The following YEATS2 variants were observed in gnomAD, a reference collection of about 807,000 sequenced individuals.
YEATS2 encodes YEATS domain-containing protein 2.
In YEATS2, 77 loss-of-function variants were observed where a neutral mutation model predicts 163.2. That is an observed-to-expected ratio of 0.47 (90% CI 0.39 to 0.57). The LOEUF is 0.57. Among genes scored for constraint, YEATS2 ranks in the 20% least tolerant of loss-of-function variants. The pLI is 0.00. For missense variants in YEATS2, 1,549 were observed against 1,729.8 expected (o/e 0.90, Z 1.85); for synonymous variants, 631 against 645.1 (o/e 0.98, Z 0.33).
At chr3:183,727,133 TAGTA>T (rs1301116967) in intron 6 of YEATS2, among the ~76,000 whole-genome samples, 1 of 152,030 alleles carries the variant, frequency 6.6e-6, no homozygotes, top group Non-Finnish European at 1.5e-5. Context: ...AGTATATATT[TAGTA>T]AGTATTTGAT....
intron 22 of YEATS2, 39 bp from the exon 23 acceptor site, chr3:183,798,852 T>C (rs758678650): frequency 4.0e-6 from 6 of 1,491,474 alleles, no homozygotes; most frequent in Non-Finnish European, 5.6e-6. Context: ...AAAATAATTT[T>C]TGTATTTGTT....
chr3:183,793,856 G>A (rs1003946830), intron 21 of YEATS2, among the ~76,000 whole-genome samples: 8 of 152,046 alleles, frequency 5.3e-5, no homozygotes, highest in South Asian at 2.1e-4. Context: ...CAGGTGATCC[G>A]CCCGCCTCGG....
In YEATS2 at chr3:183,786,136, A is replaced by T. The variant is rs772033774; in HGVS notation, c.2748A>T (p.Gly916=). ...KTTLFTQAAH[G]GQASLMKISD... ...TCTTGTTTCTGCAGGCAGCCCATGG[A>T]GGACAGGCATCTCTAATGAAAATAT... The change falls in exon 20 of 31, where the codon GGA becomes GGT. Residue 916 remains glycine, a synonymous_variant. Coordinates refer to ENST00000305135, the MANE Select transcript of YEATS2 (RefSeq NM_018023.5). 14 of 1,612,606 alleles carry T rather than the reference A, an allele frequency of 8.7e-6. 1 individual carries two copies. In the South Asian group the frequency reaches 1.5e-4, roughly 18 times the overall value.
At chr3:183,728,038 A>G (rs1194701696) in intron 6 of YEATS2, among the ~76,000 whole-genome samples, 1 of 151,698 alleles carries the variant, frequency 6.6e-6, no homozygotes, top group Non-Finnish European at 1.5e-5. Flanking sequence ...TGTTTTATTT[A>G]TTTTATTATT....
intron 11 of YEATS2, 150 bp downstream of exon 11, chr3:183,754,515 C>A: frequency 1.8e-6 from 2 of 1,132,184 alleles, no homozygotes; most frequent in Non-Finnish European, 2.4e-6. Context: ...TGTTGATTGG[C>A]AAAGCTGTCA....
At chr3:183,766,806 T>TA (rs1721950660) in intron 15 of YEATS2, among the ~76,000 whole-genome samples, 1 of 152,152 alleles carries the variant, frequency 6.6e-6, no homozygotes, top group Non-Finnish European at 1.5e-5. Context: ...CTACAGGTGA[T>TA]ACCACCACAC....
At chr3:183,806,743 C>CTG in intron 27 of YEATS2, 123 bp from the exon 28 acceptor site, 1 of 928,252 alleles carries the variant, frequency 1.1e-6, no homozygotes, top group Non-Finnish European at 1.6e-6. Context: ...AATGTTAGAA[C>CTG]TGGAAAGAAG....
rs185247672 is a variant in YEATS2, at chr3:183,797,097, T to C, written c.3098-826T>C. Among the ~76,000 whole-genome samples the C allele has an allele frequency of 1.8e-3, 277 of 150,684 alleles. 2 individuals carry two copies. The highest frequency in any genetic ancestry group is 6.1e-3 in the African/African-American group (248 of 40,968). On this transcript the variant is annotated intron_variant, in intron 21 of 30. Transcript: ENST00000305135. ...CAGCCTGGCCAACATGGCGAAACACTGTCTCTACTAAAAATACAAAAATTA... is the reference window on the plus strand; with the variant it reads ...CAGCCTGGCCAACATGGCGAAACACCGTCTCTACTAAAAATACAAAAATTA...
At chr3:183,761,249 G>A (rs529441171) in intron 13 of YEATS2, among the ~76,000 whole-genome samples, 14 of 151,886 alleles carry the variant, frequency 9.2e-5, no homozygotes, top group East Asian at 1.9e-4. Context: ...CACCACACCC[G>A]GCTAATTTTG....
At chr3:183,767,386 A>T (rs1170813332) in intron 15 of YEATS2, among the ~76,000 whole-genome samples, 3 of 146,602 alleles carry the variant, frequency 2.0e-5, no homozygotes, top group East Asian at 2.0e-4. Context: ...CGCCCAGCTA[A>T]TTTTTTTTTT....
chr3:183,748,319 A>G lies in YEATS2; in HGVS notation c.969+603A>G, dbSNP rs367863824. Among the ~76,000 whole-genome samples, 16 of 149,068 alleles carry G rather than the reference A, an allele frequency of 1.1e-4. No homozygotes were observed. In the East Asian group the frequency reaches 1.6e-3, roughly 15 times the overall value. ...GCCCAGGCTGGAGTGCAGTGGAGCA[A>G]TCTTGGCTCACTGCAACCTCCTCCT... On this transcript the variant is annotated intron_variant, in intron 9 of 30. Transcript: ENST00000305135.
intron 2 of YEATS2, 86 bp downstream of exon 2, chr3:183,715,348 C>A: frequency 2.0e-6 from 2 of 994,352 alleles, no homozygotes; most frequent in South Asian, 1.4e-5. Context: ...AAATGAATTT[C>A]CACTGTTATG....
chr3:183,785,277 C>T (rs868357917), intron 19 of YEATS2, among the ~76,000 whole-genome samples: 2 of 151,878 alleles, frequency 1.3e-5, no homozygotes, highest in African/African-American at 2.4e-5. Context: ...CACGAGGTCA[C>T]GAGAGATCGA....
intron 21 of YEATS2, chr3:183,793,172 C>T (rs555211815): frequency 2.3e-5 from 29 of 1,288,070 alleles, no homozygotes; most frequent in South Asian, 1.1e-4. Context: ...TGAATATCAC[C>T]GAGATACACA....
At chr3:183,800,704 A>C in intron 24 of YEATS2, 136 bp downstream of exon 24, 1 of 659,678 alleles carries the variant, frequency 1.5e-6, no homozygotes, top group Non-Finnish European at 2.6e-6. Context: ...CGTGCAGTGG[A>C]CAAGTGTTAC....
chr3:183,734,740 A>G (rs188445846), intron 7 of YEATS2, among the ~76,000 whole-genome samples: 10 of 152,310 alleles, frequency 6.6e-5, no homozygotes, highest in Admixed American at 6.5e-4. Flanking sequence ...GAGTGATGCT[A>G]AAAGAATGAT....
chr3:183,764,579 G>T (rs555316543), intron 15 of YEATS2, among the ~76,000 whole-genome samples: 1 of 152,076 alleles, frequency 6.6e-6, no homozygotes, highest in African/African-American at 2.4e-5. Context: ...GGAGGTCAAG[G>T]CGGGTGGATC....
chr3:183,809,612 C>T (rs749594792), intron 30 of YEATS2: 1 of 155,450 alleles, frequency 6.4e-6, no homozygotes, highest in Non-Finnish European at 1.4e-5. Flanking sequence ...CCAGCAAATA[C>T]AGTGTAGACC....
At chr3:183,772,994 A>G (rs1322709305) in intron 16 of YEATS2, among the ~76,000 whole-genome samples, 1 of 152,196 alleles carries the variant, frequency 6.6e-6, no homozygotes, top group African/African-American at 2.4e-5. Flanking sequence ...AATGTAAATA[A>G]CAATGTAATA....
Sources: gnomAD v4.1 joint callset for allele counts (sites outside exome capture counted in the v4.1 genomes callset) on GRCh38, gnomAD v4.1.1 for gene constraint, MANE v1.5 for transcripts, NCBI Gene and HGNC (gene_info 2026-07-23, HGNC 2026-07-21) for gene names.